EDIL3: variants seen among roughly 807,000 people sequenced by gnomAD.
EDIL3 encodes the protein EGF-like repeat and discoidin I-like domain-containing protein 3.
Under a neutral mutation model 67.4 loss-of-function variants are expected in EDIL3, and 37 were observed. The ratio of observed to expected loss-of-function variants is 0.55; its 90% confidence interval spans 0.42 to 0.72. EDIL3 has a LOEUF of 0.72. EDIL3 is among the 30% of genes least tolerant of loss of function. The pLI is 0.00. For missense variants in EDIL3, 527 were observed against 586.3 expected (o/e 0.90, Z 1.04); for synonymous variants, 195 against 196.3 (o/e 0.99, Z 0.05).
At chr5:84,217,423 G>A (rs1744250746) in intron 3 of EDIL3, among the ~76,000 whole-genome samples, 1 of 152,156 alleles carries the variant, frequency 6.6e-6, no homozygotes, top group African/African-American at 2.4e-5. Context: ...TTGGTCAAAT[G>A]CTAGTATAGA....
At chr5:83,992,643 A>G (rs1454937152) in intron 9 of EDIL3, among the ~76,000 whole-genome samples, 2 of 152,154 alleles carry the variant, frequency 1.3e-5, no homozygotes, top group African/African-American at 4.8e-5. Context: ...AAGTTACCGT[A>G]TCAGTGAAAA....
chr5:83,958,278 G>A (rs1744549799), intron 10 of EDIL3, among the ~76,000 whole-genome samples: 1 of 151,468 alleles, frequency 6.6e-6, no homozygotes, highest in Non-Finnish European at 1.5e-5. Context: ...CATCTCCAGA[G>A]AGTCTGAAGC....
At chr5:84,190,108 C>T (rs530064997) in intron 3 of EDIL3, among the ~76,000 whole-genome samples, 1 of 151,998 alleles carries the variant, frequency 6.6e-6, no homozygotes, top group Non-Finnish European at 1.5e-5. Flanking sequence ...GATGGCAAAC[C>T]TATGGGCTAT....
chr5:84,210,722 A>C (rs1387805105), intron 3 of EDIL3, among the ~76,000 whole-genome samples: 1 of 152,224 alleles, frequency 6.6e-6, no homozygotes, highest in Non-Finnish European at 1.5e-5. Flanking sequence ...GTATTGGCTG[A>C]GGTTTTGAAA....
intron 1 of EDIL3, among the ~76,000 whole-genome samples, chr5:84,259,664 T>C (rs1393055503): frequency 1.3e-5 from 2 of 152,188 alleles, no homozygotes; most frequent in Non-Finnish European, 1.5e-5. Context: ...CTGATCGGAC[T>C]GCATGATTCT....
At chr5:84,255,554 A>G (rs574846497) in intron 1 of EDIL3, among the ~76,000 whole-genome samples, 4 of 152,194 alleles carry the variant, frequency 2.6e-5, no homozygotes, top group Non-Finnish European at 5.9e-5. Flanking sequence ...CTCAATGAGT[A>G]AGGGACTTTT....
intron 4 of EDIL3, among the ~76,000 whole-genome samples, chr5:84,144,287 T>G (rs1360825355): frequency 7.0e-6 from 1 of 143,552 alleles, no homozygotes; most frequent in African/African-American, 2.5e-5. Flanking sequence ...CCTTCCTTCC[T>G]TCCTTCCTCC....
At chr5:84,154,040 G>A (rs569017464) in intron 4 of EDIL3, among the ~76,000 whole-genome samples, 1 of 152,118 alleles carries the variant, frequency 6.6e-6, no homozygotes, top group Non-Finnish European at 1.5e-5. Flanking sequence ...CTCCCTGTGT[G>A]ATCATTCAGA....
intron 6 of EDIL3, among the ~76,000 whole-genome samples, chr5:84,096,485 C>T (rs1399329772): frequency 2.6e-5 from 4 of 152,158 alleles, no homozygotes; most frequent in Non-Finnish European, 5.9e-5. Context: ...GGGCCAGTAG[C>T]CCCTTTGTTT....
chr5:84,117,089 G>A (rs183893074), intron 5 of EDIL3, among the ~76,000 whole-genome samples: 1,994 of 140,088 alleles, frequency 0.014, 37 homozygotes, highest in Middle Eastern at 0.092. Context: ...GTGCAGTGGC[G>A]CAATCTCGGC....
Position 83,952,570 on chromosome 5 carries a change from CT to C in EDIL3, c.1294-9003del, listed in dbSNP as rs531080511. On this transcript the variant is annotated intron_variant, in intron 10 of 10. Transcript: ENST00000296591. The stretch of plus-strand genomic sequence containing the variant: ...AATAGTTGGAAAGTAAGGGCATCTA[CT>C]TTTTTCTTTTTAGTAGAACATGAGA... Among the ~76,000 whole-genome samples the C allele has an allele frequency of 4.6e-5, 7 of 151,774 alleles. No individual in the cohort carries two copies. In the South Asian group the frequency reaches 1.5e-3, roughly 32 times the overall value.
intron 2 of EDIL3, among the ~76,000 whole-genome samples, chr5:84,244,796 C>T (rs772041570): frequency 1.1e-4 from 16 of 152,130 alleles, no homozygotes; most frequent in South Asian, 2.1e-4. Context: ...CCTACCAGTC[C>T]GTGGCCTGTT....
At chr5:84,209,298 C>G (rs949326865) in intron 3 of EDIL3, among the ~76,000 whole-genome samples, 1 of 151,908 alleles carries the variant, frequency 6.6e-6, no homozygotes, top group South Asian at 2.1e-4. Context: ...ATGGGTGCAG[C>G]ACACCAGCAT....
At chr5:84,294,166 G>A (rs1319634084) in intron 1 of EDIL3, among the ~76,000 whole-genome samples, 4 of 150,340 alleles carry the variant, frequency 2.7e-5, no homozygotes, top group African/African-American at 7.5e-5. Flanking sequence ...GGTGGATCAC[G>A]AGGTCAGGAG....
chr5:83,952,716 T>G (rs915486054), intron 10 of EDIL3, among the ~76,000 whole-genome samples: 1 of 151,762 alleles, frequency 6.6e-6, no homozygotes, highest in Non-Finnish European at 1.5e-5. Context: ...TTCCATCTCA[T>G]CAGAACAATT....
chr5:84,125,514 C>A (rs894191288), intron 5 of EDIL3, among the ~76,000 whole-genome samples: 8 of 151,982 alleles, frequency 5.3e-5, no homozygotes, highest in Non-Finnish European at 2.9e-5. Flanking sequence ...CCTTAAATAA[C>A]TCTAGGTGTG....
intron 1 of EDIL3, among the ~76,000 whole-genome samples, chr5:84,290,604 G>A (rs1463454977): frequency 6.6e-6 from 1 of 152,168 alleles, no homozygotes; most frequent in Non-Finnish European, 1.5e-5. Flanking sequence ...CAGAGATGGT[G>A]AGTCAAGGCT....
At chr5:83,980,268 C>T (rs767868327) in intron 9 of EDIL3, among the ~76,000 whole-genome samples, 20 of 150,972 alleles carry the variant, frequency 1.3e-4, no homozygotes, top group Non-Finnish European at 2.9e-4. Context: ...TTTTTATGGG[C>T]CCTTTGGCTG....
At chr5:84,247,428 T>G (rs1744930244) in intron 2 of EDIL3, among the ~76,000 whole-genome samples, 2 of 152,180 alleles carry the variant, frequency 1.3e-5, no homozygotes, top group South Asian at 4.1e-4. Flanking sequence ...TACTACTTGA[T>G]ATTCTGACAC....
Sources: gnomAD v4.1 joint callset for allele counts (sites outside exome capture counted in the v4.1 genomes callset) on GRCh38, gnomAD v4.1.1 for gene constraint, MANE v1.5 for transcripts, NCBI Gene and HGNC (gene_info 2026-07-23, HGNC 2026-07-21) for gene names.